NEGR1: variants seen among roughly 807,000 people sequenced by gnomAD.
NEGR1 encodes the protein IgLON family member 4.
NEGR1 carries 10 observed loss-of-function variants against 40.9 expected under a neutral mutation model. The ratio of observed to expected loss-of-function variants is 0.24; its 90% CI spans 0.15 to 0.42. The LOEUF (loss-of-function observed/expected upper bound fraction) is 0.42. Ranked by LOEUF, NEGR1 falls within the 10% of genes least tolerant of loss-of-function variation. NEGR1 has a pLI of 1.00. For synonymous variants in NEGR1, 185 were observed against 166.8 expected (o/e 1.11, Z -0.84); for missense variants, 352 against 438.9 (o/e 0.80, Z 1.77).
At chr1:72,109,723 G>A (rs1270693021) in intron 1 of NEGR1, among the ~76,000 whole-genome samples, 1 of 151,568 alleles carries the variant, frequency 6.6e-6, no homozygotes, top group East Asian at 1.9e-4. Flanking sequence ...ATACTTCAGT[G>A]ATCAGCTCCT....
chr1:71,681,998 T>C lies in NEGR1; in HGVS notation c.667+16010A>G, dbSNP rs987781884. ...TGAGCCACCACGACTGGCTAACTTT[T>C]GTATTTTTAGTAGAGATGGGGTTTT... is the stretch of plus-strand genomic sequence containing the variant. On this transcript the variant is annotated intron_variant, in intron 4 of 6. Transcript: ENST00000357731. 3.9e-5 allele frequency among the ~76,000 whole-genome samples: 6 copies of C among 151,934 alleles called. No individual in the cohort carries two copies. The East Asian group carries it at 9.7e-4, about 25-fold the overall frequency.
chr1:71,469,506 A>C (rs1457463897), intron 6 of NEGR1, among the ~76,000 whole-genome samples: 3 of 152,054 alleles, frequency 2.0e-5, no homozygotes, highest in Admixed American at 6.6e-5. Context: ...ATCTACAGGA[A>C]AATAGGGGGC....
intron 2 of NEGR1, among the ~76,000 whole-genome samples, chr1:71,809,675 T>C (rs1407401429): frequency 6.6e-6 from 1 of 152,152 alleles, no homozygotes; most frequent in African/African-American, 2.4e-5. Context: ...TCTGACTTCA[T>C]AGTATTATTA....
chr1:71,450,848 G>A (rs1646622200), intron 6 of NEGR1, among the ~76,000 whole-genome samples: 2 of 151,750 alleles, frequency 1.3e-5, no homozygotes, highest in Admixed American at 1.3e-4. Context: ...AAGAAAATAA[G>A]GGTAACTTTT....
chr1:71,936,911 T>G (rs1645911121), intron 1 of NEGR1, among the ~76,000 whole-genome samples: 1 of 152,206 alleles, frequency 6.6e-6, no homozygotes, highest in African/African-American at 2.4e-5. Context: ...GAAAATGTTC[T>G]GTTACAAATT....
chr1:71,852,944 C>G (rs1659653487), intron 2 of NEGR1, among the ~76,000 whole-genome samples: 1 of 151,726 alleles, frequency 6.6e-6, no homozygotes, highest in Admixed American at 6.6e-5. Flanking sequence ...TAGGACAAAC[C>G]AAAATATGTC....
intron 6 of NEGR1, among the ~76,000 whole-genome samples, chr1:71,553,937 T>C (rs1648167788): frequency 6.6e-6 from 1 of 151,530 alleles, no homozygotes; most frequent in Non-Finnish European, 1.5e-5. Flanking sequence ...ATCTTCATCA[T>C]AGAACATTTA....
intron 3 of NEGR1, among the ~76,000 whole-genome samples, chr1:71,767,569 TAA>T (rs1278372537): frequency 2.0e-5 from 3 of 152,196 alleles, no homozygotes; most frequent in African/African-American, 7.2e-5. Flanking sequence ...AAGCACAGCA[TAA>T]AAGTTTGGAA....
intron 1 of NEGR1, among the ~76,000 whole-genome samples, chr1:72,103,205 C>A (rs115334061): frequency 6.6e-6 from 1 of 152,084 alleles, no homozygotes; most frequent in South Asian, 2.1e-4. Flanking sequence ...CCATTACAGT[C>A]TTAAGATTCC....
At chr1:71,764,931 C>T (rs767023263) in intron 3 of NEGR1, among the ~76,000 whole-genome samples, 2 of 151,986 alleles carry the variant, frequency 1.3e-5, no homozygotes, top group South Asian at 2.1e-4. Flanking sequence ...TTGTGATGTG[C>T]GATGAAAAGT....
chr1:71,874,732 T>C (rs1291344311), intron 2 of NEGR1, among the ~76,000 whole-genome samples: 3 of 152,202 alleles, frequency 2.0e-5, no homozygotes, highest in African/African-American at 7.2e-5. Context: ...AAATAAAAGA[T>C]AGTTTACACT....
chr1:72,261,477 C>T (rs965114409), intron 1 of NEGR1, among the ~76,000 whole-genome samples: 3 of 151,956 alleles, frequency 2.0e-5, no homozygotes, highest in African/African-American at 7.3e-5. Flanking sequence ...TATTTGTTAA[C>T]ACTATAGATT....
chr1:71,698,726 A>T (rs1281345856), intron 3 of NEGR1, among the ~76,000 whole-genome samples: 3 of 151,930 alleles, frequency 2.0e-5, no homozygotes, highest in Non-Finnish European at 4.4e-5. Context: ...GGAAAAAATC[A>T]TTATGACTCT....
At chr1:72,149,950 TC>T (rs1651060751) in intron 1 of NEGR1, among the ~76,000 whole-genome samples, 2 of 147,764 alleles carry the variant, frequency 1.4e-5, no homozygotes, top group Admixed American at 6.7e-5. Context: ...AGGACAAGTA[TC>T]CTTATATAGT....
At chr1:71,798,050 G>T (rs774886838) in intron 2 of NEGR1, 9 of 151,888 alleles carry the variant, frequency 5.9e-5, no homozygotes, top group Non-Finnish European at 1.2e-4. Flanking sequence ...GATATTAAAG[G>T]ACACAAAGAG....
At chr1:71,524,056 C>T (rs1428992443) in intron 6 of NEGR1, among the ~76,000 whole-genome samples, 1 of 151,756 alleles carries the variant, frequency 6.6e-6, no homozygotes, top group Non-Finnish European at 1.5e-5. Flanking sequence ...AAAATATATG[C>T]ATGCCTACTT....
At chr1:71,700,161 A>G (rs1396887676) in intron 3 of NEGR1, among the ~76,000 whole-genome samples, 1 of 152,012 alleles carries the variant, frequency 6.6e-6, no homozygotes, top group East Asian at 1.9e-4. Context: ...TTACCTTTTT[A>G]AATTTTTATT....
chr1:72,085,335 A>G (rs1648171685), intron 1 of NEGR1, among the ~76,000 whole-genome samples: 1 of 152,232 alleles, frequency 6.6e-6, no homozygotes, highest in Non-Finnish European at 1.5e-5. Context: ...ACTAGCCTTG[A>G]AAATGTTTAA....
intron 5 of NEGR1, among the ~76,000 whole-genome samples, chr1:71,600,047 A>G (rs780942171): frequency 3.3e-5 from 5 of 152,194 alleles, no homozygotes; most frequent in Non-Finnish European, 7.3e-5. Context: ...CTATATTCAC[A>G]AAGAAAAAAT....
Sources: allele counts gnomAD v4.1 joint callset (sites outside exome capture counted in the v4.1 genomes callset), GRCh38; gene constraint gnomAD v4.1.1; transcripts MANE v1.5; gene names NCBI Gene and HGNC (gene_info 2026-07-23, HGNC 2026-07-21).